The following TENM4 variants were observed in gnomAD, a reference collection of about 807,000 sequenced individuals.
TENM4 encodes the protein teneurin transmembrane protein 4.
In TENM4, 82 loss-of-function variants were observed where a neutral mutation model predicts 243.3. That is an observed-to-expected ratio of 0.34 (90% CI 0.28 to 0.40). TENM4 has a LOEUF of 0.40. Ranked by LOEUF, TENM4 falls within the 10% of genes least tolerant of loss-of-function variation. The pLI, the probability that TENM4 is intolerant of heterozygous loss-of-function variation, is 1.00. For missense variants in TENM4, 3,138 were observed against 3,673.3 expected (o/e 0.85, Z 3.77); for synonymous variants, 1,412 against 1,456.3 (o/e 0.97, Z 0.69).
intron 1 of TENM4, among the ~76,000 whole-genome samples, chr11:79,419,911 G>C (rs909052542): frequency 7.2e-5 from 11 of 152,154 alleles, no homozygotes; most frequent in African/African-American, 2.4e-4. Flanking sequence ...TGGGTGCGGG[G>C]AGGGAGTTTG....
At chr11:78,845,025 A>G (rs1385383355) in intron 12 of TENM4, among the ~76,000 whole-genome samples, 1 of 152,118 alleles carries the variant, frequency 6.6e-6, no homozygotes, top group Non-Finnish European at 1.5e-5. Flanking sequence ...ACTCTTCTCA[A>G]AATATGTCCT....
At chr11:78,930,240 T>C (rs1856638703) in intron 6 of TENM4, among the ~76,000 whole-genome samples, 1 of 152,268 alleles carries the variant, frequency 6.6e-6, no homozygotes, top group South Asian at 2.1e-4. Flanking sequence ...TGGAGTAATA[T>C]TGAGATTAAA....
At chr11:79,029,463 G>A (rs1387832331) in intron 6 of TENM4, among the ~76,000 whole-genome samples, 1 of 152,168 alleles carries the variant, frequency 6.6e-6, no homozygotes, top group Non-Finnish European at 1.5e-5. Context: ...GGCAGTGTAT[G>A]GCTGGTTTAG....
rs17138240 is a variant in TENM4, at chr11:79,366,390, G to A, written c.-320-68847C>T. ...CAAGGGAAATGTGCGTCATAGGTGT[G>A]TGTTCCTTATGCAACTGCTACTATA... is the stretch of plus-strand genomic sequence containing the variant. On this transcript the variant is annotated intron_variant, in intron 1 of 33. Coordinates refer to ENST00000278550, the MANE Select transcript of TENM4 (RefSeq NM_001098816.3). Among the ~76,000 whole-genome samples the A allele has an allele frequency of 3.4e-3, 517 of 152,358 alleles. 3 individuals carry two copies. Among genetic ancestry groups the A allele is most frequent in the African/African-American group, 0.012 (497 of 41,584 alleles).
chr11:78,844,717 C>T (rs754969898), intron 12 of TENM4, among the ~76,000 whole-genome samples: 5 of 151,902 alleles, frequency 3.3e-5, no homozygotes, highest in East Asian at 3.9e-4. Flanking sequence ...CACATGAGGA[C>T]GAGGACAAAG....
chr11:79,389,604 AT>A (rs1858188124), intron 1 of TENM4, among the ~76,000 whole-genome samples: 1 of 152,208 alleles, frequency 6.6e-6, no homozygotes, highest in African/African-American at 2.4e-5. Context: ...GGCCAAATCC[AT>A]TTCTGTATGG....
chr11:78,756,488 C>T (rs535788212), intron 19 of TENM4: 3 of 334,586 alleles, frequency 9.0e-6, no homozygotes, highest in Non-Finnish European at 1.1e-5. Context: ...CTGGAGACCA[C>T]AGGATCAGTA....
chr11:78,744,569 C>T (rs1247759041), intron 19 of TENM4, among the ~76,000 whole-genome samples: 10 of 152,106 alleles, frequency 6.6e-5, no homozygotes, highest in South Asian at 2.1e-4. Context: ...GCAGTCTGAC[C>T]GACACGTACT....
intron 2 of TENM4, among the ~76,000 whole-genome samples, chr11:79,278,941 G>T (rs1856107577): frequency 6.6e-6 from 1 of 152,172 alleles, no homozygotes; most frequent in African/African-American, 2.4e-5. Flanking sequence ...ACGGCCACGT[G>T]TCCAGACCCA....
In TENM4 at chr11:78,712,619, T is replaced by C. The variant is rs1238468748; in HGVS notation, c.3917A>G (p.Lys1306Arg). Residue 1306 changes from lysine (K) to arginine (R), a missense_variant, in exon 26 of 34, where the codon AAG (lysine) becomes AGG (arginine). Physicochemically the swap from Lys to Arg is conservative, Grantham distance 26. Around this residue, in one of 2 missense-constraint regions of TENM4, gnomAD observed 2,467 missense variants for 3,059.1 expected, o/e 0.81. Coordinates refer to ENST00000278550, the MANE Select transcript of TENM4 (RefSeq NM_001098816.3). ...AAGGTCCTTCACCACCACAGTGGACTTGATTTTAAAGACCCGCCGGCTGTT... is the reference window on the plus strand; with the variant it reads ...AAGGTCCTTCACCACCACAGTGGACCTGATTTTAAAGACCCGCCGGCTGTT... ...DSNSRRVFKI[K>R]STVVVKDLVK... is the part of the protein sequence containing the mutation. 1.2e-6 allele frequency: 2 copies of C among 1,613,880 alleles called. No individual in the cohort carries two copies. Among genetic ancestry groups the C allele is most frequent in the African/African-American group, 1.3e-5 (1 of 74,912 alleles).
chr11:79,381,925 G>T (rs1858012692), intron 1 of TENM4, among the ~76,000 whole-genome samples: 1 of 152,128 alleles, frequency 6.6e-6, no homozygotes, highest in Admixed American at 6.5e-5. Flanking sequence ...CTTGACAATG[G>T]ACGGGCTATA....
intron 6 of TENM4, among the ~76,000 whole-genome samples, chr11:79,043,037 C>T (rs563909595): frequency 1.1e-4 from 16 of 152,310 alleles, no homozygotes; most frequent in Non-Finnish European, 1.8e-4. Context: ...TATGAGCATG[C>T]CATGACATTT....
intron 2 of TENM4, among the ~76,000 whole-genome samples, chr11:79,218,029 T>C (rs1007502627): frequency 6.6e-6 from 1 of 152,078 alleles, no homozygotes; most frequent in Non-Finnish European, 1.5e-5. Context: ...GTAGGAAAAT[T>C]AATGGGCACA....
intron 18 of TENM4, among the ~76,000 whole-genome samples, chr11:78,767,177 A>G (rs561441783): frequency 6.6e-6 from 1 of 152,302 alleles, no homozygotes; most frequent in Admixed American, 6.5e-5. Context: ...AGAAGCTCTA[A>G]TGTCGCCAAG....
intron 6 of TENM4, among the ~76,000 whole-genome samples, chr11:78,923,228 A>T (rs1344077764): frequency 6.6e-6 from 1 of 152,130 alleles, no homozygotes; most frequent in African/African-American, 2.4e-5. Context: ...CACTATCTTG[A>T]AATTCTGAAA....
intron 4 of TENM4, among the ~76,000 whole-genome samples, chr11:79,070,890 C>G (rs763394086): frequency 6.6e-6 from 1 of 152,210 alleles, no homozygotes; most frequent in Non-Finnish European, 1.5e-5. Context: ...TCTTAGTACA[C>G]AAAAGTGCCC....
At chr11:78,904,944 G>T (rs559222707) in intron 6 of TENM4, among the ~76,000 whole-genome samples, 3 of 152,302 alleles carry the variant, frequency 2.0e-5, no homozygotes, top group African/African-American at 7.2e-5. Context: ...ATATTATGCG[G>T]GTGGTGAAGA....
chr11:79,286,917 T>C (rs1335110345), intron 2 of TENM4, among the ~76,000 whole-genome samples: 1 of 152,150 alleles, frequency 6.6e-6, no homozygotes, highest in African/African-American at 2.4e-5. Context: ...ATTTTAAAAG[T>C]TCATCAGGAA....
At chr11:79,362,559 T>A (rs1203819582) in intron 1 of TENM4, among the ~76,000 whole-genome samples, 1 of 152,172 alleles carries the variant, frequency 6.6e-6, no homozygotes, top group East Asian at 1.9e-4. Context: ...CTCTCTGACA[T>A]CCAATCCTGG....
Sources: allele counts gnomAD v4.1 joint callset (sites outside exome capture counted in the v4.1 genomes callset), GRCh38; gene constraint gnomAD v4.1.1; regional missense constraint gnomAD v4.1.1; transcripts MANE v1.5; gene names NCBI Gene and HGNC (gene_info 2026-07-23, HGNC 2026-07-21).